Variants in ABCD2 observed in about 807,000 individuals in gnomAD.
ABCD2 encodes the protein ATP binding cassette subfamily D member 2, also known as ATP-binding cassette sub-family D member 2.
ABCD2 carries 36 observed loss-of-function variants against 70.9 expected under a neutral mutation model. That is an observed-to-expected ratio of 0.51 (90% CI 0.39 to 0.67). The LOEUF (loss-of-function observed/expected upper bound fraction) is 0.67. Among genes scored for constraint, ABCD2 ranks in the 30% least tolerant of loss-of-function variants. The pLI is 0.00. For missense variants in ABCD2, 729 were observed against 890.2 expected, an observed-to-expected ratio of 0.82 and a Z score of 2.30; for synonymous variants, 304 against 306.9, an observed-to-expected ratio of 0.99 and a Z score of 0.10.
intron 2 of ABCD2, 52 bp downstream of exon 2, chr12:39,616,936 C>A: frequency 6.7e-7 from 1 of 1,488,788 alleles, no homozygotes. Flanking sequence ...ATGACAACTT[C>A]AAAAGAAATA....
At chr12:39,562,646 A>T (rs1008386237) in intron 9 of ABCD2, among the ~76,000 whole-genome samples, 1 of 152,142 alleles carries the variant, frequency 6.6e-6, no homozygotes, top group African/African-American at 2.4e-5. Context: ...GAAACAGAAA[A>T]TGTCAACAGA....
intron 5 of ABCD2, among the ~76,000 whole-genome samples, chr12:39,603,394 T>G (rs1941926788): frequency 6.6e-6 from 1 of 152,064 alleles, no homozygotes. Context: ...ATACATAAGA[T>G]ATTAAATAAG....
chr12:39,608,554 G>A (rs1451350962), intron 2 of ABCD2, among the ~76,000 whole-genome samples: 2 of 151,986 alleles, frequency 1.3e-5, no homozygotes, highest in Non-Finnish European at 2.9e-5. Flanking sequence ...CGGGCATGAT[G>A]GCAGATTCCT....
intron 9 of ABCD2, among the ~76,000 whole-genome samples, chr12:39,556,836 T>G (rs909310991): frequency 6.6e-6 from 1 of 151,866 alleles, no homozygotes; most frequent in East Asian, 1.9e-4. Context: ...ATACAAAAAT[T>G]AGCTGGGCGT....
At chr12:39,535,968 A>G in the ABCD2 span, among the ~76,000 whole-genome samples, 1 of 152,068 alleles carries the variant, frequency 6.6e-6, no homozygotes, top group South Asian at 2.1e-4. Context: ...CATGGTGAAA[A>G]CTGTCTCTAC....
chr12:39,616,211 A>C (rs1014587307), intron 2 of ABCD2, among the ~76,000 whole-genome samples: 1 of 152,126 alleles, frequency 6.6e-6, no homozygotes, highest in Admixed American at 6.5e-5. Context: ...AAGAGTAGAA[A>C]ATACTTCTTC....
intron 2 of ABCD2, 30 bp from the exon 3 acceptor site, chr12:39,607,744 A>C: frequency 1.1e-5 from 9 of 789,218 alleles, no homozygotes; most frequent in South Asian, 7.2e-5. Context: ...ACAAAACTTG[A>C]GTTTTTTTTT....
chr12:39,599,943 C>T (rs1168886400), intron 6 of ABCD2, among the ~76,000 whole-genome samples: 1 of 152,142 alleles, frequency 6.6e-6, no homozygotes, highest in African/African-American at 2.4e-5. Flanking sequence ...TTCTCTTATC[C>T]ACAATGAATA....
intron 7 of ABCD2, among the ~76,000 whole-genome samples, chr12:39,582,345 T>C (rs1364650354): frequency 6.6e-6 from 1 of 152,200 alleles, no homozygotes; most frequent in Non-Finnish European, 1.5e-5. Context: ...AATTAATCTT[T>C]AAGATGAAGA....
chr12:39,607,537 A>C, intron 3 of ABCD2, 62 bp downstream of exon 3: 1 of 1,338,760 alleles, frequency 7.5e-7, no homozygotes, highest in South Asian at 1.2e-5. Flanking sequence ...TTGGTAATTG[A>C]CATTTTGCTT....
At chr12:39,596,463 C>A (rs74916594) in intron 6 of ABCD2, among the ~76,000 whole-genome samples, 2 of 151,964 alleles carry the variant, frequency 1.3e-5, no homozygotes, top group African/African-American at 4.8e-5. Context: ...AAACACAATA[C>A]TCCAGCTATT....
chr12:39,564,521 G>A (rs1941312523), intron 9 of ABCD2, among the ~76,000 whole-genome samples: 1 of 152,060 alleles, frequency 6.6e-6, no homozygotes, highest in African/African-American at 2.4e-5. Flanking sequence ...TGTAGATTCT[G>A]GATATTAGCC....
Position 39,552,565 on chromosome 12 carries a change from A to G in ABCD2, c.*1347T>C, listed in dbSNP as rs1430652505. The G allele has an allele frequency of 6.6e-6, 1 of 151,962 alleles. No individual in the cohort carries two copies. Among genetic ancestry groups the G allele is most frequent in the Non-Finnish European group, 1.5e-5 (1 of 67,854 alleles). 9.4% of individuals were successfully genotyped at this position (151,962 alleles called of 1,614,324 possible). A position where few individuals can be genotyped will look rare whatever the true frequency, so the allele number is the denominator to read the frequency against. On this transcript the variant is annotated 3_prime_UTR_variant, in exon 10 of 10. Transcript: ENST00000308666. ...AATAAATATTAACTTTACCAAAACC[A>G]TAATTATTTGCCCTTCTCATTGCTA...
chr12:39,564,217 T>C (rs1941306462), intron 9 of ABCD2, among the ~76,000 whole-genome samples: 1 of 152,220 alleles, frequency 6.6e-6, no homozygotes, highest in Non-Finnish European at 1.5e-5. Context: ...ACTCCCACAA[T>C]GGTTAAACTA....
chr12:39,563,213 A>G (rs1445397988), intron 9 of ABCD2, among the ~76,000 whole-genome samples: 1 of 152,136 alleles, frequency 6.6e-6, no homozygotes, highest in Non-Finnish European at 1.5e-5. Flanking sequence ...TCTATACTGA[A>G]AAGGGAAAAG....
intron 7 of ABCD2, among the ~76,000 whole-genome samples, chr12:39,584,135 A>T (rs1941633946): frequency 6.6e-6 from 1 of 152,168 alleles, no homozygotes; most frequent in Admixed American, 6.5e-5. Flanking sequence ...TCCCACCAAC[A>T]GTGTATAAGT....
intron 9 of ABCD2, among the ~76,000 whole-genome samples, chr12:39,555,567 A>G (rs891883754): frequency 2.0e-5 from 3 of 152,178 alleles, no homozygotes; most frequent in Non-Finnish European, 2.9e-5. Context: ...TCCCAACCAC[A>G]AAGTGCACAG....
chr12:39,596,775 C>A (rs150306001), intron 6 of ABCD2, among the ~76,000 whole-genome samples: 1 of 152,066 alleles, frequency 6.6e-6, no homozygotes, highest in Admixed American at 6.6e-5. Context: ...TAAGAGCATA[C>A]GTGTTAGAAT....
chr12:39,557,141 A>G (rs575607146), intron 9 of ABCD2, among the ~76,000 whole-genome samples: 41 of 152,202 alleles, frequency 2.7e-4, no homozygotes, highest in Non-Finnish European at 5.0e-4. Context: ...AAATGCTGAT[A>G]GTAATATGAG....
Sources: gnomAD v4.1 joint callset for allele counts (sites outside exome capture counted in the v4.1 genomes callset) on GRCh38, gnomAD v4.1.1 for gene constraint, MANE v1.5 for transcripts, NCBI Gene and HGNC (gene_info 2026-07-23, HGNC 2026-07-21) for gene names.